PLD5: variants seen among roughly 807,000 people sequenced by gnomAD.
The protein encoded by PLD5 is phospholipase D family member 5.
In PLD5, 36 loss-of-function variants were observed where a neutral mutation model predicts 61.1. The ratio of observed to expected loss-of-function variants is 0.59; its 90% CI spans 0.45 to 0.78. PLD5 has a LOEUF of 0.78. Ranked by LOEUF, PLD5 falls within the 30% of genes least tolerant of loss-of-function variation. The pLI is 0.00. For missense variants in PLD5, 515 were observed against 644.4 expected (o/e 0.80, Z 2.17); for synonymous variants, 243 against 242.8 (o/e 1.00, Z -0.01).
upstream of PLD5, among the ~76,000 whole-genome samples, chr1:242,525,983 G>A (rs1217631747): frequency 6.6e-6 from 1 of 152,144 alleles, no homozygotes; most frequent in East Asian, 1.9e-4. Context: ...TAGATGCCCC[G>A]ACCTGTGGGC....
At chr1:242,308,577 A>G (rs1676513616) in intron 2 of PLD5, among the ~76,000 whole-genome samples, 1 of 152,172 alleles carries the variant, frequency 6.6e-6, no homozygotes, top group South Asian at 2.1e-4. Context: ...GCATATATAC[A>G]TATACTATAT....
intron 1 of PLD5, among the ~76,000 whole-genome samples, chr1:242,434,330 G>C (rs1366063953): frequency 6.6e-6 from 1 of 152,218 alleles, no homozygotes; most frequent in African/African-American, 2.4e-5. Context: ...TCTAGCCTGA[G>C]CTACTGAAAA....
intron 2 of PLD5, among the ~76,000 whole-genome samples, chr1:242,296,932 C>A (rs1212066961): frequency 6.6e-6 from 1 of 152,148 alleles, no homozygotes; most frequent in Admixed American, 6.5e-5. Context: ...CACTATGTTG[C>A]CCAGGCTAGT....
At chr1:242,349,182 C>G (rs1479404489) in intron 1 of PLD5, among the ~76,000 whole-genome samples, 1 of 152,142 alleles carries the variant, frequency 6.6e-6, no homozygotes, top group Admixed American at 6.5e-5. Flanking sequence ...TTCTGATTGG[C>G]AATTGGTTGA....
chr1:242,339,276 G>A (rs1332720467), intron 2 of PLD5, among the ~76,000 whole-genome samples: 1 of 152,136 alleles, frequency 6.6e-6, no homozygotes, highest in African/African-American at 2.4e-5. Context: ...ACAGATAGAT[G>A]TGTTCCTTGT....
chr1:242,269,017 A>G lies in PLD5; in HGVS notation c.496-3569T>C, dbSNP rs372929971. 7.2e-5 allele frequency among the ~76,000 whole-genome samples: 11 copies of G among 151,992 alleles called. No homozygotes were observed. In the South Asian group the frequency reaches 2.1e-3, roughly 29 times the overall value. On this transcript the variant is annotated intron_variant, in intron 3 of 9. Transcript: ENST00000536534. ...GCCACCATGATCGACTAATTTTTGTATTTTTAGTAGAGATAGGGTTTCACC... is the reference window on the plus strand; with the variant it reads ...GCCACCATGATCGACTAATTTTTGTGTTTTTAGTAGAGATAGGGTTTCACC...
At chr1:242,493,300 C>T (rs1463660359) in intron 1 of PLD5, among the ~76,000 whole-genome samples, 1 of 151,922 alleles carries the variant, frequency 6.6e-6, no homozygotes, top group East Asian at 1.9e-4. Context: ...AACTGGGAAA[C>T]CCCACAAGAT....
intron 4 of PLD5, among the ~76,000 whole-genome samples, chr1:242,250,604 T>C (rs1309306335): frequency 6.6e-6 from 1 of 152,226 alleles, no homozygotes; most frequent in Non-Finnish European, 1.5e-5. Flanking sequence ...TTGCTCCAAG[T>C]ATTACTAATC....
intron 1 of PLD5, among the ~76,000 whole-genome samples, chr1:242,431,725 T>C (rs997170527): frequency 3.3e-5 from 5 of 152,202 alleles, no homozygotes; most frequent in African/African-American, 1.2e-4. Context: ...CATCTGGTTA[T>C]TTTGGAGAGA....
At chr1:242,102,531 T>G (rs1660763534) in intron 8 of PLD5, among the ~76,000 whole-genome samples, 1 of 152,218 alleles carries the variant, frequency 6.6e-6, no homozygotes, top group South Asian at 2.1e-4. Flanking sequence ...CAGTCTTTTC[T>G]CTTTTCATGA....
At chr1:242,234,722 C>G (rs1413852263) in intron 4 of PLD5, among the ~76,000 whole-genome samples, 1 of 152,026 alleles carries the variant, frequency 6.6e-6, no homozygotes, top group African/African-American at 2.4e-5. Flanking sequence ...GTGTGGGCAC[C>G]AGACATGCTC....
At chr1:242,297,659 G>A (rs1437020745) in intron 2 of PLD5, among the ~76,000 whole-genome samples, 5 of 139,120 alleles carry the variant, frequency 3.6e-5, no homozygotes, top group Non-Finnish European at 4.5e-5. Flanking sequence ...TTGAGATGGA[G>A]TCTCGCTCTG....
At chr1:242,272,359 G>T (rs1674140215) in intron 3 of PLD5, among the ~76,000 whole-genome samples, 1 of 151,956 alleles carries the variant, frequency 6.6e-6, no homozygotes, top group African/African-American at 2.4e-5. Flanking sequence ...AAACAAATGA[G>T]ACTATATAAA....
At chr1:242,470,257 G>T (rs1444532685) in intron 1 of PLD5, among the ~76,000 whole-genome samples, 1 of 151,862 alleles carries the variant, frequency 6.6e-6, no homozygotes, top group Non-Finnish European at 1.5e-5. Context: ...CAGGAGAATG[G>T]CGTGAACCCC....
At chr1:242,106,774 G>A (rs1661088550) in intron 8 of PLD5, among the ~76,000 whole-genome samples, 1 of 152,170 alleles carries the variant, frequency 6.6e-6, no homozygotes, top group Non-Finnish European at 1.5e-5. Context: ...ACCTAGAAGA[G>A]AGCCTGCCAC....
intron 5 of PLD5, among the ~76,000 whole-genome samples, chr1:242,203,149 C>T (rs991193928): frequency 4.6e-5 from 7 of 152,102 alleles, no homozygotes; most frequent in African/African-American, 1.7e-4. Flanking sequence ...TTTGCCTACC[C>T]GCCCCCGCCA....
chr1:242,206,786 G>A (rs79504495), intron 5 of PLD5, among the ~76,000 whole-genome samples: 2 of 152,126 alleles, frequency 1.3e-5, no homozygotes, highest in African/African-American at 4.8e-5. Flanking sequence ...CCTGCCTCAG[G>A]AATGGCAGAG....
chr1:242,368,199 A>G (rs11584806), intron 1 of PLD5, among the ~76,000 whole-genome samples: 1 of 152,194 alleles, frequency 6.6e-6, no homozygotes, highest in Non-Finnish European at 1.5e-5. Context: ...CTACTGCTCC[A>G]CTGTAAACAA....
chr1:242,124,303 G>T (rs747824760), intron 6 of PLD5, 165 bp downstream of exon 6: 1 of 593,958 alleles, frequency 1.7e-6, no homozygotes, highest in Non-Finnish European at 3.0e-6. Flanking sequence ...ATATTTGAGG[G>T]TATGATTGCG....
Sources: allele counts gnomAD v4.1 joint callset (sites outside exome capture counted in the v4.1 genomes callset), GRCh38; gene constraint gnomAD v4.1.1; transcripts MANE v1.5; gene names NCBI Gene and HGNC (gene_info 2026-07-23, HGNC 2026-07-21).